Variants in DLC1 observed in about 807,000 individuals in gnomAD.
DLC1 encodes rho GTPase-activating protein 7.
DLC1 carries 54 observed loss-of-function variants against 140.3 expected under a neutral mutation model. That is an observed-to-expected ratio of 0.38 (90% CI 0.31 to 0.48). The LOEUF (loss-of-function observed/expected upper bound fraction) is 0.48, where lower values mean the gene tolerates loss of function less well. DLC1 is among the 20% of genes least tolerant of loss of function. The pLI, the probability that DLC1 is intolerant of heterozygous loss-of-function variation, is 0.96. For synonymous variants in DLC1, 986 were observed against 728.1 expected (o/e 1.35, Z -5.70); for missense variants, 2,536 against 1,907.0 (o/e 1.33, Z -6.14).
chr8:13,437,480 A>T (rs140397683), intron 2 of DLC1, among the ~76,000 whole-genome samples: 1 of 152,282 alleles, frequency 6.6e-6, no homozygotes, highest in East Asian at 1.9e-4. Context: ...AAGCCAAGTA[A>T]ATCATGTTCA....
At chr8:13,603,648 C>A (rs1164770524) in intron 1 of DLC1, among the ~76,000 whole-genome samples, 1 of 152,052 alleles carries the variant, frequency 6.6e-6, no homozygotes, top group Non-Finnish European at 1.5e-5. Context: ...GTTCAAGACC[C>A]TTGCCCTGTT....
chr8:13,166,144 A>G (rs1171890856), intron 5 of DLC1, among the ~76,000 whole-genome samples: 1 of 152,096 alleles, frequency 6.6e-6, no homozygotes, highest in Non-Finnish European at 1.5e-5. Context: ...GAACCCTGGC[A>G]TCTTTTTTGA....
chr8:13,148,448 C>T (rs937112072), intron 5 of DLC1, among the ~76,000 whole-genome samples: 6 of 152,192 alleles, frequency 3.9e-5, no homozygotes, highest in African/African-American at 1.4e-4. Flanking sequence ...CACATTCCCG[C>T]AAAAGACAGG....
chr8:13,197,215 A>G (rs1392848942), intron 5 of DLC1, among the ~76,000 whole-genome samples: 3 of 152,250 alleles, frequency 2.0e-5, no homozygotes, highest in Non-Finnish European at 2.9e-5. Flanking sequence ...AAATCTTAAA[A>G]TGTTCAACTT....
chr8:13,417,953 T>C (rs1838149452), intron 2 of DLC1, among the ~76,000 whole-genome samples: 1 of 152,244 alleles, frequency 6.6e-6, no homozygotes, highest in Non-Finnish European at 1.5e-5. Flanking sequence ...TTTGCATTTC[T>C]CTGATGGCCA....
chr8:13,560,769 G>C (rs984627927), intron 1 of DLC1, among the ~76,000 whole-genome samples: 6 of 149,958 alleles, frequency 4.0e-5, no homozygotes, highest in Admixed American at 6.6e-5. Flanking sequence ...TGTCCCTGTG[G>C]GGGGGGAGGG....
chr8:13,353,798 A>C (rs1204303621), intron 4 of DLC1, among the ~76,000 whole-genome samples: 2 of 151,956 alleles, frequency 1.3e-5, no homozygotes, highest in African/African-American at 2.4e-5. Flanking sequence ...CAGAGGTTGC[A>C]GTGAGCTGAG....
At chr8:13,465,388 A>G (rs1799885136) in intron 2 of DLC1, among the ~76,000 whole-genome samples, 2 of 152,108 alleles carry the variant, frequency 1.3e-5, no homozygotes, top group African/African-American at 4.8e-5. Context: ...GTTCCTGTTG[A>G]TCCTGACTCT....
Position 13,174,225 on chromosome 8 carries a change from A to G in DLC1, c.1349-58568T>C, listed in dbSNP as rs377222498. 2.0e-5 allele frequency among the ~76,000 whole-genome samples: 3 copies of G among 152,270 alleles called. 1 individual carries two copies. In the South Asian group the frequency reaches 6.2e-4, roughly 32 times the overall value. On this transcript the variant is annotated intron_variant, in intron 5 of 17. Coordinates refer to ENST00000276297, the MANE Select transcript of DLC1 (RefSeq NM_182643.3). ...CTTTCTTAAGGCTGCATACTGTTCC[A>G]TGGTGTATGTGTTCCACATTTTCTT...
At chr8:13,577,834 T>C (rs1804897734) in intron 1 of DLC1, among the ~76,000 whole-genome samples, 1 of 152,060 alleles carries the variant, frequency 6.6e-6, no homozygotes, top group African/African-American at 2.4e-5. Context: ...TTGGAGAGTA[T>C]CAAATTATTA....
intron 2 of DLC1, among the ~76,000 whole-genome samples, chr8:13,427,975 G>T (rs112648061): frequency 6.6e-6 from 1 of 152,080 alleles, no homozygotes; most frequent in African/African-American, 2.4e-5. Context: ...ATCCAGTTAC[G>T]GTGTTCCAGT....
Position 13,086,282 on chromosome 8 carries a change from G to T in DLC1, c.4466+8C>A. ...TCACCATATAAAAAAATCAGAATCA[G>T]AACATACCTTAAGTCAACTCTGCAC... On this transcript the variant is annotated splice_region_variant and intron_variant, in intron 17 of 17. Transcript: ENST00000276297. 1 of 1,612,648 alleles carries T rather than the reference G, an allele frequency of 6.2e-7. No homozygotes were observed. The highest frequency in any genetic ancestry group is 8.5e-7 in the Non-Finnish European group (1 of 1,179,210).
At chr8:13,408,241 A>G (rs949690550) in intron 2 of DLC1, among the ~76,000 whole-genome samples, 4 of 152,216 alleles carry the variant, frequency 2.6e-5, no homozygotes, top group South Asian at 2.1e-4. Context: ...ATGTGCCACT[A>G]TGACTATAAT....
intron 5 of DLC1, among the ~76,000 whole-genome samples, chr8:13,247,336 G>A (rs1829807725): frequency 6.6e-6 from 1 of 152,186 alleles, no homozygotes; most frequent in South Asian, 2.1e-4. Flanking sequence ...ACTTTGCAAA[G>A]CAGTATCAAC....
At chr8:13,419,075 A>G (rs1838196707) in intron 2 of DLC1, among the ~76,000 whole-genome samples, 1 of 151,968 alleles carries the variant, frequency 6.6e-6, no homozygotes, top group South Asian at 2.1e-4. Context: ...GTATCCTGAG[A>G]CTTTGCTGAA....
intron 2 of DLC1, among the ~76,000 whole-genome samples, chr8:13,425,622 C>A (rs192209564): frequency 1.2e-3 from 176 of 151,988 alleles, no homozygotes; most frequent in Middle Eastern, 3.4e-3. Context: ...ATTTTATGGA[C>A]ATTTTTGAAG....
chr8:13,512,495 G>A (rs1166054598), intron 1 of DLC1, among the ~76,000 whole-genome samples: 2 of 152,136 alleles, frequency 1.3e-5, no homozygotes, highest in African/African-American at 2.4e-5. Context: ...AGAAGGCTTA[G>A]AGCAGACATA....
chr8:13,581,799 C>T (rs1805108466), intron 1 of DLC1, among the ~76,000 whole-genome samples: 3 of 152,346 alleles, frequency 2.0e-5, no homozygotes, highest in Admixed American at 1.3e-4. Flanking sequence ...GATTTGTCCT[C>T]TGCCTTCTTC....
chr8:13,407,341 CT>C (rs1837614229), intron 2 of DLC1, among the ~76,000 whole-genome samples: 1 of 152,222 alleles, frequency 6.6e-6, no homozygotes, highest in South Asian at 2.1e-4. Flanking sequence ...CTCTCTGCTT[CT>C]TTCCTTCCAT....
Sources: gnomAD v4.1 joint callset for allele counts (sites outside exome capture counted in the v4.1 genomes callset) on GRCh38, gnomAD v4.1.1 for gene constraint, MANE v1.5 for transcripts, NCBI Gene and HGNC (gene_info 2026-07-23, HGNC 2026-07-21) for gene names.